DNMT3L: variants seen among roughly 807,000 people sequenced by gnomAD.
The protein encoded by DNMT3L is DNA methyltransferase 3 like, also known as DNA (cytosine-5)-methyltransferase 3-like.
Under a neutral mutation model 36.2 loss-of-function variants are expected in DNMT3L, and 33 were observed. The ratio of observed to expected loss-of-function variants is 0.91; its 90% CI spans 0.69 to 1.22. The LOEUF (loss-of-function observed/expected upper bound fraction) is 1.22, where lower values mean the gene tolerates loss of function less well. DNMT3L is among the 50% of genes most tolerant of loss of function. DNMT3L has a pLI of 0.00. For synonymous variants in DNMT3L, 117 were observed against 121.7 expected, an observed-to-expected ratio of 0.96 and a Z score of 0.26; for missense variants, 310 against 303.1, an observed-to-expected ratio of 1.02 and a Z score of -0.17.
Position 44,258,523 on chromosome 21 carries a change from C to T in DNMT3L, c.516G>A (p.Ser172=), listed in dbSNP as rs372192557. The change falls in exon 6 of 12, where the codon TCG becomes TCA. Residue 172 remains serine, a splice_region_variant and synonymous_variant. Coordinates refer to ENST00000628202, the MANE Select transcript of DNMT3L (RefSeq NM_175867.3). This position sits in a 1 kb window ranked among gnomAD's most constrained non-coding sequence, Gnocchi z 6.2. ...SQLKAFYDRE[S]ENPLEMFETV... ...TGCTGCCCCTCCACGGGCTCCTTAC[C>T]GACTCTCGGTCGTAGAAGGCCTTGA... 1.7e-5 allele frequency: 26 copies of T among 1,559,806 alleles called. No individual in the cohort carries two copies. The highest frequency in any genetic ancestry group is 5.8e-5 in the South Asian group (5 of 85,492).
At chr21:44,254,467 C>T in intron 8 of DNMT3L, 150 bp downstream of exon 8, 1 of 826,514 alleles carries the variant, frequency 1.2e-6, no homozygotes, top group Non-Finnish European at 1.8e-6. Context: ...CCCAGGATCC[C>T]CACCAGGCTG....
In DNMT3L at chr21:44,259,786, G is replaced by A. The variant is rs2040300443; in HGVS notation, c.152-75C>T. On this transcript the variant is annotated intron_variant, in intron 3 of 11. Coordinates refer to ENST00000628202, the MANE Select transcript of DNMT3L (RefSeq NM_175867.3). ...CAGCAGACGATTAGGAATAAATTTA[G>A]CCAAACAAATATGAGACTTATACAC... The A allele has an allele frequency of 4.1e-6, 6 of 1,476,786 alleles. No homozygotes were observed. The East Asian group carries it at 1.5e-4, about 36-fold the overall frequency. 91.5% of individuals were successfully genotyped at this position (1,476,786 alleles called of 1,614,324 possible).
Position 44,258,228 on chromosome 21 carries a change from T to C in DNMT3L, c.516+295A>G, listed in dbSNP as rs937086058. Among the ~76,000 whole-genome samples the C allele has an allele frequency of 2.0e-5, 3 of 151,980 alleles. No homozygotes were observed. The highest frequency in any genetic ancestry group is 7.3e-5 in the African/African-American group (3 of 41,376). Reference sequence around the variant, plus strand: ...ACCTGGCCAGCAGAAGCCCAGGCACTTGCTCCTGAGGACTGGACTTTGAGA... The same window carrying C: ...ACCTGGCCAGCAGAAGCCCAGGCACCTGCTCCTGAGGACTGGACTTTGAGA... On this transcript the variant is annotated intron_variant, in intron 6 of 11. Coordinates refer to ENST00000628202, the MANE Select transcript of DNMT3L (RefSeq NM_175867.3). The surrounding 1 kb of genome is among the most constrained non-coding windows in gnomAD (Gnocchi z 6.2).
chr21:44,261,282 C>T lies in DNMT3L; in HGVS notation c.-7-16G>A, dbSNP rs77287369. The T allele has an allele frequency of 2.7e-3, 4,349 of 1,608,950 alleles. 118 individuals carry two copies. In the African/African-American group the frequency reaches 0.052, roughly 19 times the overall value. Reference sequence around the variant, plus strand: ...CATGGGGATGCTGTGTCAGGACACACGGACACAGATGTGAGAAAGCCGTCA... The same window carrying T: ...CATGGGGATGCTGTGTCAGGACACATGGACACAGATGTGAGAAAGCCGTCA... On this transcript the variant is annotated splice_polypyrimidine_tract_variant and intron_variant, in intron 1 of 11. Coordinates refer to ENST00000628202, the MANE Select transcript of DNMT3L (RefSeq NM_175867.3).
At chr21:44,255,123 C>T (rs2040247009) in intron 7 of DNMT3L, among the ~76,000 whole-genome samples, 1 of 151,564 alleles carries the variant, frequency 6.6e-6, no homozygotes, top group South Asian at 2.1e-4. Context: ...CCACTGCACC[C>T]CGCCCAACTT....
chr21:44,257,680 C>CAAAAAAAAAAAAA (rs60313825), intron 6 of DNMT3L, among the ~76,000 whole-genome samples: 1 of 120,426 alleles, frequency 8.3e-6, no homozygotes, highest in African/African-American at 3.2e-5. Flanking sequence ...GACTCCGTCT[C>CAAAAAAAAAAAAA]AAAAAAAAAA....
chr21:44,258,449 G>T lies in DNMT3L; in HGVS notation c.516+74C>A, dbSNP rs991162923. 6.8e-7 allele frequency: 1 copy of T among 1,469,562 alleles called. No individual in the cohort carries two copies. The highest frequency in any genetic ancestry group is 1.4e-5 in the African/African-American group (1 of 70,732). The allele number at this position is 1,469,562 out of a possible 1,614,324, so 91.0% of individuals were successfully genotyped here. On this transcript the variant is annotated intron_variant, in intron 6 of 11. Coordinates refer to ENST00000628202, the MANE Select transcript of DNMT3L (RefSeq NM_175867.3). The surrounding 1 kb of genome is among the most constrained non-coding windows in gnomAD (Gnocchi z 6.2). ...GTGCCCGTCGGCGCGCCTGCATTCT[G>T]CAGCGGGAACCGAGGGAAGGCCGTA...
chr21:44,259,132 G>C (rs2040291759), intron 5 of DNMT3L, among the ~76,000 whole-genome samples: 1 of 152,120 alleles, frequency 6.6e-6, no homozygotes, highest in South Asian at 2.1e-4. Flanking sequence ...ACGACTGAGG[G>C]GTGAGCATAC....
Position 44,258,654 on chromosome 21 carries a change from C to G in DNMT3L, c.385G>C (p.Gly129Arg), listed in dbSNP as rs138079639. The G allele has an allele frequency of 2.5e-6, 4 of 1,612,886 alleles. No individual in the cohort carries two copies. The highest frequency in any genetic ancestry group is 1.7e-5 in the Admixed American group (1 of 60,014). ...FECVDSLVGPGTSGKVHAMSN... is the reference protein window; with the variant it reads ...FECVDSLVGPRTSGKVHAMSN... The stretch of plus-strand genomic sequence containing the variant: ...ATGGCGTGCACCTTCCCCGAGGTCC[C>G]GGGGCCGACCAGGCTATCCACACAC... The change falls in exon 6 of 12, where the codon GGG (glycine) becomes CGG (arginine). Residue 129 changes from glycine (G) to arginine (R), a missense_variant. Physicochemically the swap from Gly to Arg is moderately radical, Grantham distance 125. Transcript: ENST00000628202. This position sits in a 1 kb window ranked among gnomAD's most constrained non-coding sequence, Gnocchi z 6.2.
chr21:44,260,069 AAAG>A (rs1439591327), intron 3 of DNMT3L, among the ~76,000 whole-genome samples: 14 of 151,342 alleles, frequency 9.3e-5, no homozygotes, highest in South Asian at 6.2e-4. Flanking sequence ...AAAAAAAAAA[AAAG>A]AAGAAGACTT....
Position 44,261,211 on chromosome 21 carries a change from C to T in DNMT3L, c.49G>A (p.Val17Met), listed in dbSNP as rs752635689. 2.1e-5 allele frequency: 34 copies of T among 1,612,722 alleles called. No individual in the cohort carries two copies. The highest frequency in any genetic ancestry group is 2.6e-5 in the Non-Finnish European group (31 of 1,179,904). ...AGCTCACTGGATCCCACCAAAATCA[C>T]GTCCATGCTGGGCTCGGCCTCTGGG... ...LDPEAEPSMD[V>M]ILVGSSELSS... The change falls in exon 2 of 12, where the codon GTG becomes ATG. Residue 17 changes from valine (V) to methionine (M), a missense_variant. Transcript: ENST00000628202.
In DNMT3L at chr21:44,256,126, A is replaced by G. The variant is rs1043405058; in HGVS notation, c.545T>C (p.Val182Ala). 6.8e-6 allele frequency: 11 copies of G among 1,613,956 alleles called. No homozygotes were observed. Among genetic ancestry groups the G allele is most frequent in the Non-Finnish European group, 9.3e-6 (11 of 1,179,990 alleles). ...GACTGGCTGTCTCCTCCACACAGGC[A>G]CGGTTTCGAACATCTCAAGGGGATT... ...SENPLEMFET[V>A]PVWRRQPVRV... is the part of the protein sequence containing the mutation. Residue 182 changes from valine to alanine, a missense_variant, in exon 7 of 12, where the codon GTG becomes GCG. Val to Ala is a moderately conservative substitution (Grantham distance 64). Transcript: ENST00000628202.
At chr21:44,253,724 C>CA (rs2040236467) in intron 8 of DNMT3L, among the ~76,000 whole-genome samples, 1 of 151,800 alleles carries the variant, frequency 6.6e-6, no homozygotes. Context: ...ATCTCAAAAA[C>CA]AAAAAACAAA....
chr21:44,256,287 C>T, intron 6 of DNMT3L, 133 bp from the exon 7 acceptor site: 1 of 881,884 alleles, frequency 1.1e-6, no homozygotes, highest in Non-Finnish European at 1.8e-6. Context: ...GACACACCTG[C>T]TGAGGCTGAC....
intron 3 of DNMT3L, among the ~76,000 whole-genome samples, chr21:44,260,220 C>T (rs1005164): frequency 0.13 from 20,341 of 151,876 alleles, 1,730 homozygotes; most frequent in African/African-American, 0.23. Flanking sequence ...GGCAAACCCA[C>T]GTTGAGAGAA....
At chr21:44,256,039 G>A in intron 7 of DNMT3L, 28 bp downstream of exon 7, 1 of 1,612,092 alleles carries the variant, frequency 6.2e-7, no homozygotes, top group Non-Finnish European at 8.5e-7. Context: ...ATCTTTCCAT[G>A]TGTGTCTTTG....
In DNMT3L at chr21:44,256,112, T is replaced by G. The variant is rs1464953668; in HGVS notation, c.559A>C (p.Arg187=). ...EMFETVPVWR[R]QPVRVLSLFE... ...AGGGACAGCACCCGGACTGGCTGTC[T>G]CCTCCACACAGGCACGGTTTCGAAC... Residue 187 remains arginine (R), a synonymous_variant, in exon 7 of 12, where the codon AGA becomes CGA. Transcript: ENST00000628202. 6.2e-7 allele frequency: 1 copy of G among 1,613,904 alleles called. No individual in the cohort carries two copies. The highest frequency in any genetic ancestry group is 1.7e-5 in the Admixed American group (1 of 60,022).
intron 6 of DNMT3L, among the ~76,000 whole-genome samples, chr21:44,256,464 C>T (rs370220695): frequency 1.4e-5 from 2 of 144,716 alleles, no homozygotes; most frequent in Non-Finnish European, 1.5e-5. Flanking sequence ...TGCTCTGTCA[C>T]CCAGGCTGGA....
chr21:44,254,843 T>C, intron 7 of DNMT3L, 138 bp from the exon 8 acceptor site: 5 of 775,030 alleles, frequency 6.5e-6, no homozygotes, highest in Non-Finnish European at 8.0e-6. Context: ...GTTGTTGTTT[T>C]GAGATGGAGT....
Sources: allele counts gnomAD v4.1 joint callset (sites outside exome capture counted in the v4.1 genomes callset), GRCh38; gene constraint gnomAD v4.1.1; non-coding constraint Gnocchi (gnomAD v3.1); transcripts MANE v1.5; gene names NCBI Gene and HGNC (gene_info 2026-07-23, HGNC 2026-07-21).